CAPN1: variants seen among roughly 807,000 people sequenced by gnomAD.
CAPN1 encodes the protein calpain 1, also known as calpain-1 catalytic subunit.
CAPN1 carries 77 observed loss-of-function variants against 105.2 expected under a neutral mutation model. The observed-to-expected ratio is 0.73, with a 90% confidence interval of 0.61 to 0.88. The LOEUF (loss-of-function observed/expected upper bound fraction) is 0.88, where lower values mean the gene tolerates loss of function less well. Ranked by LOEUF, CAPN1 falls within the 40% of genes least tolerant of loss-of-function variation. The pLI, the probability that CAPN1 is intolerant of heterozygous loss-of-function variation, is 0.00. For missense variants in CAPN1, 833 were observed against 976.6 expected, an observed-to-expected ratio of 0.85 and a Z score of 1.96; for synonymous variants, 355 against 388.8, an observed-to-expected ratio of 0.91 and a Z score of 1.02.
chr11:65,206,391 G>A, intron 12 of CAPN1, 72 bp from the exon 13 acceptor site: 1 of 1,198,048 alleles, frequency 8.3e-7, no homozygotes, highest in South Asian at 1.2e-5. Context: ...CCTGGAGTCT[G>A]GGTCTGGGGG....
chr11:65,193,432 T>G (rs751768072), intron 10 of CAPN1, among the ~76,000 whole-genome samples: 9 of 151,786 alleles, frequency 5.9e-5, no homozygotes, highest in Non-Finnish European at 1.3e-4. Flanking sequence ...CCAGCTGCAC[T>G]CAGGAGATCG....
Position 65,209,946 on chromosome 11 carries a change from G to T in CAPN1, c.1863+29G>T, listed in dbSNP as rs748138722. The T allele has an allele frequency of 2.5e-6, 4 of 1,611,872 alleles. No individual in the cohort carries two copies. The highest frequency in any genetic ancestry group is 3.3e-5 in the Admixed American group (2 of 59,984). On this transcript the variant is annotated intron_variant, in intron 18 of 21. Transcript: ENST00000279247. The surrounding 1 kb of genome is among the most constrained non-coding windows in gnomAD (Gnocchi z 4.1). ...GGTTGTCCCCACTCACCTCAGTCAT[G>T]CAGGTGCGGGCCGGGCAGGTGGGAA...
At chr11:65,207,651 G>A (rs1171945239) in intron 14 of CAPN1, among the ~76,000 whole-genome samples, 2 of 151,692 alleles carry the variant, frequency 1.3e-5, no homozygotes, top group Non-Finnish European at 2.9e-5. Context: ...AGTGGCTCAC[G>A]CCTGTAATCC....
intron 7 of CAPN1, 81 bp from the exon 8 acceptor site, chr11:65,187,874 A>C: frequency 1.0e-6 from 1 of 988,020 alleles, no homozygotes; most frequent in South Asian, 1.4e-5. Flanking sequence ...CCTGGGTGAC[A>C]GAGCAAGACT....
chr11:65,207,723 G>A (rs1948982436), intron 14 of CAPN1, among the ~76,000 whole-genome samples: 1 of 151,316 alleles, frequency 6.6e-6, no homozygotes, highest in Admixed American at 6.6e-5. Context: ...GACCAGCCTG[G>A]CCAACATGGC....
chr11:65,182,959 G>T lies in CAPN1; in HGVS notation c.258G>T (p.Lys86Asn), dbSNP rs771383732. The T allele has an allele frequency of 1.9e-6, 3 of 1,613,480 alleles. No individual in the cohort carries two copies. ...NSSKTYGIKW[K>N]RPTELLSNPQ... ...CCAAGACCTATGGCATCAAGTGGAA[G>T]CGTCCCACGGTGAGAGGGGCCATCC... The change falls in exon 2 of 22, where the codon AAG (lysine) becomes AAT (asparagine). Residue 86 changes from lysine to asparagine, a missense_variant. Coordinates refer to ENST00000279247, the MANE Select transcript of CAPN1 (RefSeq NM_005186.4).
rs758315396 is a variant in CAPN1, at chr11:65,204,679, G to A, written c.1166-4G>A. On this transcript the variant is annotated splice_polypyrimidine_tract_variant and splice_region_variant and intron_variant, in intron 10 of 21. Transcript: ENST00000279247. ...CTGATCCCCGCCTCCTCACCTGCCC[G>A]CAGCCACCTTCTGGGTGAACCCTCA... The A allele has an allele frequency of 7.5e-6, 12 of 1,604,786 alleles. No homozygotes were observed. Among genetic ancestry groups the A allele is most frequent in the African/African-American group, 1.3e-5 (1 of 74,776 alleles).
In CAPN1 at chr11:65,209,707, G is replaced by T. The variant is rs1225279086; in HGVS notation, c.1795-142G>T. ...AATAAGGCAAGCCCGGCTGTGGGCT[G>T]ACTGTACATGGCTTTTGCTGCTTCT... On this transcript the variant is annotated intron_variant, in intron 17 of 21. Transcript: ENST00000279247. This position sits in a 1 kb window ranked among gnomAD's most constrained non-coding sequence, Gnocchi z 4.1. The T allele has an allele frequency of 5.0e-6, 4 of 801,156 alleles. No homozygotes were observed. In the African/African-American group the frequency reaches 5.1e-5, roughly 10 times the overall value. 49.6% of individuals were successfully genotyped at this position (801,156 alleles called of 1,614,324 possible). A position where few individuals can be genotyped will look rare whatever the true frequency, so the allele number is the denominator to read the frequency against.
chr11:65,196,140 A>T (rs1422289740), intron 10 of CAPN1, among the ~76,000 whole-genome samples: 2 of 151,940 alleles, frequency 1.3e-5, no homozygotes, highest in African/African-American at 4.8e-5. Flanking sequence ...CCAGGTAAAG[A>T]ATTGTCAATT....
In CAPN1 at chr11:65,211,229, G is replaced by A. The variant is rs187530823; in HGVS notation, c.2119-31G>A. ...GAAGAAGCCAGGGAGCCATTTCTGC[G>A]GCCCCAGCTGACCTGCCTGTTCTCC... On this transcript the variant is annotated intron_variant, in intron 21 of 21. Transcript: ENST00000279247. The A allele has an allele frequency of 1.2e-4, 196 of 1,611,708 alleles. 1 individual carries two copies. Among genetic ancestry groups the A allele is most frequent in the South Asian group, 2.1e-4 (19 of 90,824 alleles).
Position 65,209,505 on chromosome 11 carries a change from A to G in CAPN1, c.1794+118A>G. On this transcript the variant is annotated intron_variant, in intron 17 of 21. Coordinates refer to ENST00000279247, the MANE Select transcript of CAPN1 (RefSeq NM_005186.4). This position sits in a 1 kb window ranked among gnomAD's most constrained non-coding sequence, Gnocchi z 4.1. ...ACAGAGCCATGCGGAGTGTGGACAC[A>G]CAGTGCCCCATGCTCAGATGTCTCC... 2.3e-6 allele frequency: 2 copies of G among 860,536 alleles called. No individual in the cohort carries two copies. Among genetic ancestry groups the G allele is most frequent in the East Asian group, 5.3e-5 (2 of 37,466 alleles). The allele number at this position is 860,536 out of a possible 1,614,324, so 53.3% of individuals were successfully genotyped here. A position where few individuals can be genotyped will look rare whatever the true frequency, so the allele number is the denominator to read the frequency against.
At chr11:65,186,471 C>A in intron 6 of CAPN1, 133 bp downstream of exon 6, 1 of 789,988 alleles carries the variant, frequency 1.3e-6, no homozygotes, top group East Asian at 2.7e-5. Context: ...TGGATGCATA[C>A]CCTGCCTCAT....
chr11:65,207,870 C>T lies in CAPN1; in HGVS notation c.1606-185C>T, dbSNP rs1018231046. Among the ~76,000 whole-genome samples the T allele has an allele frequency of 2.6e-5, 4 of 151,692 alleles. No homozygotes were observed. In the East Asian group the frequency reaches 5.8e-4, roughly 22 times the overall value. ...CGGAGGTTGCAGTGAGCTGAGATCA[C>T]GCCACTGTACTCCAGCCTGGGTGAC... On this transcript the variant is annotated intron_variant, in intron 14 of 21. Transcript: ENST00000279247.
chr11:65,191,708 T>C (rs1214019002), intron 10 of CAPN1, among the ~76,000 whole-genome samples: 1 of 152,226 alleles, frequency 6.6e-6, no homozygotes, highest in Non-Finnish European at 1.5e-5. Context: ...ATATAGCATC[T>C]GCAAATAATG....
chr11:65,205,748 C>T, intron 12 of CAPN1, 27 bp downstream of exon 12: 1 of 1,610,182 alleles, frequency 6.2e-7, no homozygotes, highest in Non-Finnish European at 8.5e-7. Context: ...GACCCACCTG[C>T]AGTCACACAC....
In CAPN1 at chr11:65,210,454, TGA is replaced by T. The variant is rs763030425; in HGVS notation, c.2059+4_2059+5del. The T allele has an allele frequency of 6.3e-7, 1 of 1,592,258 alleles. No individual in the cohort carries two copies. The highest frequency in any genetic ancestry group is 1.1e-5 in the South Asian group (1 of 90,076). The stretch of plus-strand genomic sequence containing the variant: ...TGGTGCGGCTAGAGACCATGTTCCG[TGA>T]GTGTCCCCAACTGCCTCCCACCCTC... On this transcript the variant is annotated splice_donor_region_variant and intron_variant, in intron 20 of 21. Transcript: ENST00000279247. This position sits in a 1 kb window ranked among gnomAD's most constrained non-coding sequence, Gnocchi z 4.3.
chr11:65,206,272 T>C, intron 12 of CAPN1, 191 bp from the exon 13 acceptor site: 1 of 602,114 alleles, frequency 1.7e-6, no homozygotes, highest in East Asian at 2.8e-5. Context: ...GTGAGTAGGG[T>C]TGTTACATTT....
At chr11:65,192,640 C>CT (rs11309067) in intron 10 of CAPN1, among the ~76,000 whole-genome samples, 6 of 148,582 alleles carry the variant, frequency 4.0e-5, no homozygotes, top group South Asian at 2.1e-4. Context: ...CTTTTTCTTT[C>CT]TTTTTTTTTT....
intron 21 of CAPN1, 162 bp from the exon 22 acceptor site, chr11:65,211,096 ACT>A (rs2137405550): frequency 1.2e-6 from 1 of 818,968 alleles, no homozygotes; most frequent in Non-Finnish European, 2.0e-6. Flanking sequence ...TGGGAGCAGC[ACT>A]CTGGTTTCCC....
Sources: allele counts gnomAD v4.1 joint callset (sites outside exome capture counted in the v4.1 genomes callset), GRCh38; gene constraint gnomAD v4.1.1; non-coding constraint Gnocchi (gnomAD v3.1); transcripts MANE v1.5; gene names NCBI Gene and HGNC (gene_info 2026-07-23, HGNC 2026-07-21).